Variants in TTC7B observed in about 807,000 individuals in gnomAD.
TTC7B encodes tetratricopeptide repeat protein 7B.
A neutral mutation model predicts 106.8 loss-of-function variants in TTC7B; 28 were observed. The ratio of observed to expected loss-of-function variants is 0.26; its 90% CI spans 0.19 to 0.36. The LOEUF is 0.36. TTC7B is among the 10% of genes least tolerant of loss of function. The pLI is 1.00. For synonymous variants in TTC7B, 405 were observed against 430.6 expected (o/e 0.94, Z 0.74); for missense variants, 862 against 1,076.4 (o/e 0.80, Z 2.79).
chr14:90,691,016 A>G (rs1887448016), intron 6 of TTC7B, among the ~76,000 whole-genome samples: 1 of 152,192 alleles, frequency 6.6e-6, no homozygotes, highest in Non-Finnish European at 1.5e-5. Context: ...AAGATCTCAT[A>G]AGAACACAAT....
chr14:90,620,688 C>T (rs974937945), intron 15 of TTC7B, among the ~76,000 whole-genome samples: 14 of 152,228 alleles, frequency 9.2e-5, no homozygotes, highest in African/African-American at 3.1e-4. Flanking sequence ...GCCTGCCCCA[C>T]AGCGGGCAGT....
intron 16 of TTC7B, among the ~76,000 whole-genome samples, chr14:90,617,128 A>G (rs2139847674): frequency 6.6e-6 from 1 of 152,302 alleles, no homozygotes; most frequent in East Asian, 1.9e-4. Flanking sequence ...AAGGGCAGGC[A>G]CCGTTGACTC....
At position 90,657,354 on chromosome 14, in the gene TTC7B, T is replaced by A. The variant is rs1473687767; in HGVS notation, c.1237-76A>T. On this transcript the variant is annotated intron_variant, in intron 10 of 19. Transcript: ENST00000328459. This position sits in a 1 kb window ranked among gnomAD's most constrained non-coding sequence, Gnocchi z 4.2. Reference sequence around the variant, plus strand: ...GAATACTACAGCCTTCTCAGAGGGGTTTTTGGTCAGGGTGACCTCCTCGTG... The same window carrying A: ...GAATACTACAGCCTTCTCAGAGGGGATTTTGGTCAGGGTGACCTCCTCGTG... 2 of 1,453,474 alleles carry A rather than the reference T, an allele frequency of 1.4e-6. No homozygotes were observed. Among genetic ancestry groups the A allele is most frequent in the Non-Finnish European group, 1.9e-6 (2 of 1,065,122 alleles). The allele number at this position is 1,453,474 out of a possible 1,614,324, so 90.0% of individuals were successfully genotyped here.
intron 19 of TTC7B, among the ~76,000 whole-genome samples, chr14:90,549,156 C>T (rs1889966486): frequency 6.6e-6 from 1 of 151,664 alleles, no homozygotes; most frequent in Non-Finnish European, 1.5e-5. Context: ...ATTTTCTTAG[C>T]ATCTGCAAGT....
chr14:90,804,877 G>C (rs1202320318), intron 1 of TTC7B, among the ~76,000 whole-genome samples: 1 of 152,262 alleles, frequency 6.6e-6, no homozygotes, highest in Non-Finnish European at 1.5e-5. Flanking sequence ...TTTGCGGAGA[G>C]ATGAGGACCA....
chr14:90,561,198 C>A (rs1377722037), intron 19 of TTC7B, among the ~76,000 whole-genome samples: 2 of 152,214 alleles, frequency 1.3e-5, no homozygotes, highest in African/African-American at 4.8e-5. Context: ...AAGAAAGACG[C>A]GGCATCACAT....
At chr14:90,803,106 G>A (rs2030378070) in intron 1 of TTC7B, among the ~76,000 whole-genome samples, 1 of 151,590 alleles carries the variant, frequency 6.6e-6, no homozygotes, top group African/African-American at 2.4e-5. Context: ...TCACACCACT[G>A]CACTCCAGCC....
chr14:90,605,213 T>C (rs1210348477), intron 17 of TTC7B, among the ~76,000 whole-genome samples: 2 of 152,256 alleles, frequency 1.3e-5, no homozygotes, highest in African/African-American at 4.8e-5. Flanking sequence ...TATACGCTGG[T>C]TGAATTCATT....
At chr14:90,700,120 A>G (rs1887928359) in intron 5 of TTC7B, among the ~76,000 whole-genome samples, 1 of 152,208 alleles carries the variant, frequency 6.6e-6, no homozygotes, top group African/African-American at 2.4e-5. Flanking sequence ...TCTCTTAACT[A>G]GAACAGCCTA....
chr14:90,585,232 G>T (rs1279220028), intron 18 of TTC7B, among the ~76,000 whole-genome samples: 2 of 152,200 alleles, frequency 1.3e-5, no homozygotes, highest in Non-Finnish European at 2.9e-5. Flanking sequence ...ATCTGGCTGT[G>T]TCAGTTTGTC....
chr14:90,629,159 T>G (rs1884579589), intron 15 of TTC7B, among the ~76,000 whole-genome samples: 1 of 152,256 alleles, frequency 6.6e-6, no homozygotes, highest in Non-Finnish European at 1.5e-5. Flanking sequence ...TCTCCCCAGT[T>G]GTTTTCAGCT....
At chr14:90,720,730 C>G (rs1218348386) in intron 5 of TTC7B, among the ~76,000 whole-genome samples, 2 of 152,140 alleles carry the variant, frequency 1.3e-5, no homozygotes, top group African/African-American at 4.8e-5. Flanking sequence ...ATTATATAAC[C>G]ATCTTTCTAA....
rs1210107532 is a variant in TTC7B, at chr14:90,688,451, C to T, written c.950+1089G>A. 1.1e-4 allele frequency among the ~76,000 whole-genome samples: 16 copies of T among 152,054 alleles called. No homozygotes were observed. The East Asian group carries it at 1.5e-3, about 15-fold the overall frequency. On this transcript the variant is annotated intron_variant, in intron 7 of 19. Transcript: ENST00000328459. The stretch of plus-strand genomic sequence containing the variant: ...CATACTGGCCAACATGGTAAAACCC[C>T]GTCTCTACTAAAATACAAAAAATTA...
At chr14:90,736,221 TTTTG>T (rs1344038036) in intron 4 of TTC7B, among the ~76,000 whole-genome samples, 1 of 152,010 alleles carries the variant, frequency 6.6e-6, no homozygotes, top group Non-Finnish European at 1.5e-5. Flanking sequence ...GTATGTTTGT[TTTTG>T]TTTGTTTTTA....
intron 19 of TTC7B, among the ~76,000 whole-genome samples, chr14:90,554,230 C>T (rs1356988206): frequency 6.6e-6 from 1 of 152,208 alleles, no homozygotes; most frequent in Non-Finnish European, 1.5e-5. Flanking sequence ...CTTCTGAGCC[C>T]CAAAGCCCCA....
intron 9 of TTC7B, among the ~76,000 whole-genome samples, chr14:90,668,940 C>T (rs984918816): frequency 1.4e-5 from 2 of 144,432 alleles, no homozygotes; most frequent in Non-Finnish European, 3.0e-5. Context: ...AGTTAAAGGA[C>T]TCATACTTTC....
At position 90,531,135 on chromosome 14, in the gene TTC7B, G is replaced by T. The variant is rs941534095; in HGVS notation, c.*10233C>A. On this transcript the variant is annotated 3_prime_UTR_variant, in exon 20 of 20. Coordinates refer to ENST00000328459, the MANE Select transcript of TTC7B (RefSeq NM_001010854.2). ...AAATATATTGTTATAACTTAAAAAA[G>T]AAAGAAAAAATTGTATGCTGTTTTA... 5 of 152,228 alleles carry T rather than the reference G, an allele frequency of 3.3e-5. No individual in the cohort carries two copies. The highest frequency in any genetic ancestry group is 1.2e-4 in the African/African-American group (5 of 41,564). The allele number at this position is 152,228 out of a possible 1,614,324, so 9.4% of individuals were successfully genotyped here.
Position 90,624,863 on chromosome 14 carries a change from C to T in TTC7B, c.1752-6818G>A, listed in dbSNP as rs1884368505. On this transcript the variant is annotated intron_variant, in intron 15 of 19. Transcript: ENST00000328459. The surrounding 1 kb of genome is among the most constrained non-coding windows in gnomAD (Gnocchi z 4.0). Reference sequence around the variant, plus strand: ...TCTTGTGCTGATCTGTGTTTGCGAGCTCCTGGGCTCTGCATGCCAGGGACC... The same window carrying T: ...TCTTGTGCTGATCTGTGTTTGCGAGTTCCTGGGCTCTGCATGCCAGGGACC... Among the ~76,000 whole-genome samples, 1 of 152,230 alleles carries T rather than the reference C, an allele frequency of 6.6e-6. No homozygotes were observed. The highest frequency in any genetic ancestry group is 2.4e-5 in the African/African-American group (1 of 41,450).
At chr14:90,544,227 AG>A in intron 19 of TTC7B, among the ~76,000 whole-genome samples, 1 of 152,366 alleles carries the variant, frequency 6.6e-6, no homozygotes, top group Admixed American at 6.5e-5. Flanking sequence ...AGCAGGCTTC[AG>A]GGTCAGCTCT....
Sources: gnomAD v4.1 joint callset for allele counts (sites outside exome capture counted in the v4.1 genomes callset) on GRCh38, gnomAD v4.1.1 for gene constraint, Gnocchi (gnomAD v3.1) non-coding constraint, MANE v1.5 for transcripts, NCBI Gene and HGNC (gene_info 2026-07-23, HGNC 2026-07-21) for gene names.